RIMS1: variants seen among roughly 807,000 people sequenced by gnomAD.
RIMS1 encodes regulating synaptic membrane exocytosis 1.
A neutral mutation model predicts 214.1 loss-of-function variants in RIMS1; 83 were observed. The observed-to-expected ratio is 0.39, with a 90% CI of 0.32 to 0.47. The LOEUF (loss-of-function observed/expected upper bound fraction) is 0.47, where lower values mean the gene tolerates loss of function less well. Among genes scored for constraint, RIMS1 ranks in the 20% least tolerant of loss-of-function variants. RIMS1 has a pLI of 0.99. For synonymous variants in RIMS1, 793 were observed against 786.8 expected, an observed-to-expected ratio of 1.01 and a Z score of -0.13; for missense variants, 2,050 against 2,161.8, an observed-to-expected ratio of 0.95 and a Z score of 1.03.
chr6:72,007,182 G>T (rs1808080602), intron 2 of RIMS1, among the ~76,000 whole-genome samples: 1 of 152,182 alleles, frequency 6.6e-6, no homozygotes, highest in Non-Finnish European at 1.5e-5. Context: ...TCGCTGTTCT[G>T]CAGCCTCCGC....
intron 1 of RIMS1, among the ~76,000 whole-genome samples, chr6:71,901,857 A>G (rs910792371): frequency 6.6e-6 from 1 of 152,132 alleles, no homozygotes; most frequent in Non-Finnish European, 1.5e-5. Flanking sequence ...TGTATTCGGT[A>G]ACAAGGAGAT....
intron 1 of RIMS1, among the ~76,000 whole-genome samples, chr6:71,917,663 C>A (rs1778822674): frequency 6.6e-6 from 1 of 152,126 alleles, no homozygotes. Flanking sequence ...AGGATTCTGT[C>A]TGAAGAATAT....
At chr6:72,051,644 A>G (rs1021445347) in intron 2 of RIMS1, among the ~76,000 whole-genome samples, 2 of 152,208 alleles carry the variant, frequency 1.3e-5, no homozygotes, top group African/African-American at 4.8e-5. Context: ...ATTCCAAGTC[A>G]TAATGCTGTG....
rs540268204 is a variant in RIMS1 at position 72,157,299 on chromosome 6, TTA to T, written c.472-22272_472-22271del. Among the ~76,000 whole-genome samples the T allele has an allele frequency of 4.3e-4, 61 of 140,882 alleles. 2 individuals carry two copies. The highest frequency in any genetic ancestry group is 3.5e-3 in the Middle Eastern group (1 of 284). The allele number at this position is 140,882 out of a possible 152,430, so 92.4% of individuals were successfully genotyped here. ...CTGTATTTAACAAGCACAGCTCTTTTTATATGTGTCAGTGAGATCAAATTTTG... is the reference window on the plus strand; with the variant it reads ...CTGTATTTAACAAGCACAGCTCTTTTTATGTGTCAGTGAGATCAAATTTTG... On this transcript the variant is annotated intron_variant, in intron 4 of 33. Coordinates refer to ENST00000521978, the MANE Select transcript of RIMS1 (RefSeq NM_014989.7).
intron 4 of RIMS1, among the ~76,000 whole-genome samples, chr6:72,126,003 C>T (rs2039433590): frequency 1.3e-5 from 2 of 152,184 alleles, no homozygotes; most frequent in Admixed American, 1.3e-4. Flanking sequence ...ACCCACTGTC[C>T]AACCATTCCC....
chr6:72,262,427 G>C, intron 19 of RIMS1: 1 of 984,788 alleles, frequency 1.0e-6, no homozygotes. Context: ...ACATCCTGTG[G>C]ACAGGTACTA....
rs753323846 is a variant in RIMS1 at position 72,260,776 on chromosome 6, A to G, written c.3116+9A>G. ...TGCCTACATACTACCAGGTAAATAC[A>G]GGGATTTGGTAATGGTGACTGTGTG... On this transcript the variant is annotated intron_variant, in intron 19 of 33. Coordinates refer to ENST00000521978, the MANE Select transcript of RIMS1 (RefSeq NM_014989.7). 1 of 1,611,670 alleles carries G rather than the reference A, an allele frequency of 6.2e-7. No homozygotes were observed. The highest frequency in any genetic ancestry group is 1.1e-5 in the South Asian group (1 of 90,752).
intron 2 of RIMS1, among the ~76,000 whole-genome samples, chr6:72,073,074 G>A (rs926485557): frequency 3.3e-5 from 5 of 152,030 alleles, no homozygotes; most frequent in Non-Finnish European, 5.9e-5. Context: ...AGGGTATTTC[G>A]AGCCCTGACT....
chr6:71,995,307 A>G (rs1193531229), intron 2 of RIMS1, among the ~76,000 whole-genome samples: 2 of 152,204 alleles, frequency 1.3e-5, no homozygotes, highest in East Asian at 1.9e-4. Flanking sequence ...TAGTTCCTCA[A>G]TCATTTCTGC....
chr6:72,030,002 A>G (rs1317972630), intron 2 of RIMS1, among the ~76,000 whole-genome samples: 2 of 152,200 alleles, frequency 1.3e-5, no homozygotes, highest in Non-Finnish European at 2.9e-5. Flanking sequence ...TGGCCTCGAG[A>G]AGTCACATGC....
At chr6:72,307,971 T>G (rs1427100605) in intron 27 of RIMS1, among the ~76,000 whole-genome samples, 2 of 152,150 alleles carry the variant, frequency 1.3e-5, no homozygotes, top group Non-Finnish European at 2.9e-5. Context: ...ATAAGCAAGA[T>G]ATATGAAGCC....
At chr6:72,052,049 C>T (rs948111022) in intron 2 of RIMS1, among the ~76,000 whole-genome samples, 5 of 152,090 alleles carry the variant, frequency 3.3e-5, no homozygotes, top group African/African-American at 7.2e-5. Flanking sequence ...AATGGCAAAT[C>T]GCAGAATTCT....
intron 1 of RIMS1, among the ~76,000 whole-genome samples, chr6:71,953,022 T>C (rs956022118): frequency 6.6e-6 from 1 of 151,868 alleles, no homozygotes; most frequent in African/African-American, 2.4e-5. Context: ...AGTCTCACTT[T>C]GTCACCCAGG....
At chr6:72,281,842 T>C (rs764949963) in intron 23 of RIMS1, among the ~76,000 whole-genome samples, 1 of 152,138 alleles carries the variant, frequency 6.6e-6, no homozygotes, top group African/African-American at 2.4e-5. Context: ...TTACTTTTGT[T>C]GTTGACATGT....
At position 72,242,456 on chromosome 6, in the gene RIMS1, ACTT is replaced by A; in HGVS notation, c.2081+23_2081+25del. The A allele has an allele frequency of 1.3e-6, 2 of 1,516,476 alleles. No homozygotes were observed. The highest frequency in any genetic ancestry group is 1.8e-6 in the Non-Finnish European group (2 of 1,126,082). 93.9% of individuals were successfully genotyped at this position (1,516,476 alleles called of 1,614,324 possible). A position where few individuals can be genotyped will look rare whatever the true frequency, so the allele number is the denominator to read the frequency against. ...CTATTGGGTAAGGCTAAAAAAACTT[ACTT>A]CTTAAGTTTAGTAAATTACATGTAT... On this transcript the variant is annotated intron_variant, in intron 10 of 33. Coordinates refer to ENST00000521978, the MANE Select transcript of RIMS1 (RefSeq NM_014989.7).
At chr6:72,384,969 A>G (rs2098558505) in intron 29 of RIMS1, among the ~76,000 whole-genome samples, 1 of 152,200 alleles carries the variant, frequency 6.6e-6, no homozygotes, top group Non-Finnish European at 1.5e-5. Flanking sequence ...ACCTGTAAAT[A>G]TGACATCTTT....
At chr6:71,972,643 A>G (rs1161498275) in intron 2 of RIMS1, among the ~76,000 whole-genome samples, 1 of 152,194 alleles carries the variant, frequency 6.6e-6, no homozygotes, top group Non-Finnish European at 1.5e-5. Context: ...TAATAAATAT[A>G]TCAAGATATT....
chr6:72,187,352 G>A (rs143949383), intron 6 of RIMS1, among the ~76,000 whole-genome samples: 172 of 152,146 alleles, frequency 1.1e-3, no homozygotes, highest in Non-Finnish European at 2.1e-3. Context: ...CAAATGGCGG[G>A]TAGATTATCT....
chr6:72,328,024 A>G (rs891660321), intron 28 of RIMS1, among the ~76,000 whole-genome samples: 10 of 151,812 alleles, frequency 6.6e-5, no homozygotes, highest in African/African-American at 2.2e-4. Context: ...TATTACAGCA[A>G]TATTCACAAT....
Sources: gnomAD v4.1 joint callset for allele counts (sites outside exome capture counted in the v4.1 genomes callset) on GRCh38, gnomAD v4.1.1 for gene constraint, MANE v1.5 for transcripts, NCBI Gene and HGNC (gene_info 2026-07-23, HGNC 2026-07-21) for gene names.